The following SYTL2 variants were observed in gnomAD, a reference collection of about 807,000 sequenced individuals.
SYTL2 encodes synaptotagmin-like protein 2.
SYTL2 carries 165 observed loss-of-function variants against 198.7 expected under a neutral mutation model. That is an observed-to-expected ratio of 0.83 (90% CI 0.73 to 0.94). SYTL2 has a LOEUF of 0.94. Ranked by LOEUF, SYTL2 falls within the 40% of genes least tolerant of loss-of-function variation. SYTL2 has a pLI of 0.00. For missense variants in SYTL2, 2,835 were observed against 2,582.8 expected (o/e 1.10, Z -2.12); for synonymous variants, 966 against 917.7 (o/e 1.05, Z -0.95).
rs773466078 is a variant in SYTL2, at chr11:85,724,673, C to G, written c.4685G>C (p.Ser1562Thr). The G allele has an allele frequency of 5.0e-6, 8 of 1,614,016 alleles. No individual in the cohort carries two copies. The highest frequency in any genetic ancestry group is 6.8e-6 in the Non-Finnish European group (8 of 1,179,978). ...EKAEAPLITE[S>T]AFDAGFEKLL... ...TTTCTCAAAACCAGCATCAAAAGCA[C>G]TCTCAGTTATTAACGGAGCCTCGGC... Residue 1562 changes from serine (S) to threonine (T), a missense_variant, in exon 8 of 20, where the codon AGT (serine) becomes ACT (threonine). Transcript: ENST00000359152.
chr11:85,813,439 T>C (rs2093057548), upstream of SYTL2, among the ~76,000 whole-genome samples: 1 of 152,308 alleles, frequency 6.6e-6, no homozygotes, highest in East Asian at 1.9e-4. Flanking sequence ...AACACGATCA[T>C]ATCAAGTCAG....
At chr11:85,777,745 C>G (rs1457917900) in intron 1 of SYTL2, among the ~76,000 whole-genome samples, 1 of 140,070 alleles carries the variant, frequency 7.1e-6, no homozygotes, top group Non-Finnish European at 1.5e-5. Context: ...GCTTCAGACA[C>G]AAGAAGAGTA....
rs115008559 is a variant in SYTL2, at chr11:85,781,030, C to T, written c.-389-22916G>A. On this transcript the variant is annotated intron_variant, in intron 1 of 19. Transcript: ENST00000359152. ...ACATCTGGGGTACAGAAGTGTTCTG[C>T]GCTGTGGTGAGTAGAGAATAGGAAG... 6.1e-3 allele frequency among the ~76,000 whole-genome samples: 932 copies of T among 152,252 alleles called. 12 individuals are homozygous for T. Among genetic ancestry groups the T allele is most frequent in the African/African-American group, 0.022 (903 of 41,538 alleles).
intron 19 of SYTL2, among the ~76,000 whole-genome samples, chr11:85,695,542 T>C (rs994531282): frequency 2.6e-4 from 40 of 152,192 alleles, no homozygotes; most frequent in African/African-American, 9.7e-4. Context: ...CCATAATTCC[T>C]AGAGCAATGA....
chr11:85,842,713 T>C, the SYTL2 span, among the ~76,000 whole-genome samples: 3 of 152,176 alleles, frequency 2.0e-5, no homozygotes, highest in South Asian at 2.1e-4. Flanking sequence ...TTATCAGCCA[T>C]GTCAGAAACT....
chr11:85,854,478 A>G, the SYTL2 span: 1 of 152,330 alleles, frequency 6.6e-6, no homozygotes, highest in East Asian at 1.9e-4. Context: ...TGCTGGACTT[A>G]AATTCCTTTC....
At chr11:85,833,353 G>GAT in the SYTL2 span, among the ~76,000 whole-genome samples, 2 of 143,116 alleles carry the variant, frequency 1.4e-5, no homozygotes, top group Admixed American at 7.0e-5. Context: ...ATATATACAC[G>GAT]ATATATATAT....
chr11:85,833,150 GGAAGGAAAGAAAGAAA>G, the SYTL2 span, among the ~76,000 whole-genome samples: 979 of 73,514 alleles, frequency 0.013, 82 homozygotes, highest in African/African-American at 0.049. Flanking sequence ...AAGGAAGGAA[GGAAGGAAAGAAAGAAA>G]GAAAGAAAGA....
the SYTL2 span, among the ~76,000 whole-genome samples, chr11:85,833,373 G>C: frequency 1.4e-5 from 2 of 145,344 alleles, no homozygotes; most frequent in South Asian, 4.3e-4. Context: ...TGAGATATAT[G>C]ATATATCTCA....
chr11:85,774,987 T>C (rs1354226012), intron 1 of SYTL2, among the ~76,000 whole-genome samples: 1 of 148,952 alleles, frequency 6.7e-6, no homozygotes, highest in Non-Finnish European at 1.5e-5. Flanking sequence ...TCAGGTGCCT[T>C]CCTGTTTTTT....
At chr11:85,741,553 G>A (rs1236564953) in intron 4 of SYTL2, among the ~76,000 whole-genome samples, 1 of 152,024 alleles carries the variant, frequency 6.6e-6, no homozygotes, top group African/African-American at 2.4e-5. Context: ...TGACTTTGTA[G>A]GCCAGGCCTC....
chr11:85,728,880 A>G (rs558195958), intron 7 of SYTL2, among the ~76,000 whole-genome samples: 1 of 152,298 alleles, frequency 6.6e-6, no homozygotes, highest in East Asian at 1.9e-4. Context: ...AATGAGAAGA[A>G]TTTCTGAAGA....
chr11:85,789,378 GTATATATATATATATATATA>G (rs71036488), intron 1 of SYTL2, among the ~76,000 whole-genome samples: 1 of 23,120 alleles, frequency 4.3e-5, no homozygotes, highest in East Asian at 1.3e-3. Flanking sequence ...ATATATATAT[GTATATATATATATATATATA>G]TAATTTTTTT....
chr11:85,782,891 A>G (rs561302228), intron 1 of SYTL2, among the ~76,000 whole-genome samples: 2 of 152,310 alleles, frequency 1.3e-5, no homozygotes, highest in African/African-American at 2.4e-5. Context: ...GTCCACATCA[A>G]TATCAGCATT....
At chr11:85,834,649 T>G in the SYTL2 span, among the ~76,000 whole-genome samples, 1 of 152,192 alleles carries the variant, frequency 6.6e-6, no homozygotes, top group Non-Finnish European at 1.5e-5. Context: ...ATGGGCTTTA[T>G]ATTCTGTGAT....
intron 1 of SYTL2, among the ~76,000 whole-genome samples, chr11:85,758,450 G>T (rs1464540675): frequency 6.6e-6 from 1 of 152,228 alleles, no homozygotes; most frequent in Non-Finnish European, 1.5e-5. Flanking sequence ...TCAGGGATAT[G>T]TGATTCCAGT....
At chr11:85,813,091 C>T (rs1266033462), upstream of SYTL2, among the ~76,000 whole-genome samples, 1 of 152,082 alleles carries the variant, frequency 6.6e-6, no homozygotes, top group Non-Finnish European at 1.5e-5. Flanking sequence ...TGCCTAAATG[C>T]TAGAGAGGGT....
At position 85,695,194 on chromosome 11, in the gene SYTL2, C is replaced by A; in HGVS notation, c.*1G>T. 6.2e-7 allele frequency: 1 copy of A among 1,609,822 alleles called. No homozygotes were observed. Among genetic ancestry groups the A allele is most frequent in the Non-Finnish European group, 8.5e-7 (1 of 1,177,472 alleles). On this transcript the variant is annotated 3_prime_UTR_variant, in exon 20 of 20. Coordinates refer to ENST00000359152, the MANE Select transcript of SYTL2 (RefSeq NM_206927.4). ...AGTGGAGGAGCCAGTGGAATTTGGGCTCATTTGGAAATCTTGGCAATCAAA... is the reference window on the plus strand; with the variant it reads ...AGTGGAGGAGCCAGTGGAATTTGGGATCATTTGGAAATCTTGGCAATCAAA...
the SYTL2 span, among the ~76,000 whole-genome samples, chr11:85,833,434 AT>A: frequency 1.2e-4 from 18 of 148,806 alleles, no homozygotes; most frequent in Non-Finnish European, 4.5e-5. Flanking sequence ...TCACATATAT[AT>A]GATTATATAT....
Sources: allele counts gnomAD v4.1 joint callset (sites outside exome capture counted in the v4.1 genomes callset), GRCh38; gene constraint gnomAD v4.1.1; transcripts MANE v1.5; gene names NCBI Gene and HGNC (gene_info 2026-07-23, HGNC 2026-07-21).